TOX3: variants seen among roughly 807,000 people sequenced by gnomAD.
TOX3 encodes the protein TOX high mobility group box family member 3, also known as CAG trinucleotide repeat-containing gene F9 protein.
Under a neutral mutation model 64.3 loss-of-function variants are expected in TOX3, and 22 were observed. The observed-to-expected ratio is 0.34, with a 90% CI of 0.24 to 0.49. TOX3 has a LOEUF of 0.49. Ranked by LOEUF, TOX3 falls within the 20% of genes least tolerant of loss-of-function variation. The pLI, the probability that TOX3 is intolerant of heterozygous loss-of-function variation, is 0.99. For missense variants in TOX3, 661 were observed against 714.4 expected (o/e 0.93, Z 0.85); for synonymous variants, 291 against 273.6 (o/e 1.06, Z -0.63).
chr16:52,530,743 A>G (rs1962833814), intron 1 of TOX3, among the ~76,000 whole-genome samples: 1 of 151,422 alleles, frequency 6.6e-6, no homozygotes, highest in Non-Finnish European at 1.5e-5. Context: ...AATCTTCTAG[A>G]TCACTCCCAT....
intron 1 of TOX3, among the ~76,000 whole-genome samples, chr16:52,519,976 CAAAAA>C (rs61541718): frequency 8.9e-4 from 113 of 127,534 alleles, no homozygotes; most frequent in Middle Eastern, 4.0e-3. Flanking sequence ...GTCTCAAAAA[CAAAAA>C]AAAAAAAAAA....
intron 1 of TOX3, among the ~76,000 whole-genome samples, chr16:52,519,990 AAAG>A (rs1386751284): frequency 3.3e-5 from 5 of 149,972 alleles, no homozygotes; most frequent in South Asian, 4.2e-4. Flanking sequence ...AAAAAAAAAA[AAAG>A]AAGAAGAAGA....
chr16:52,525,703 A>G (rs570890698), intron 1 of TOX3, among the ~76,000 whole-genome samples: 4 of 152,290 alleles, frequency 2.6e-5, no homozygotes, highest in African/African-American at 7.2e-5. Context: ...GTACACACAC[A>G]CACACGCACA....
intron 1 of TOX3, among the ~76,000 whole-genome samples, chr16:52,488,649 C>T (rs576387079): frequency 6.6e-6 from 1 of 152,254 alleles, no homozygotes; most frequent in Non-Finnish European, 1.5e-5. Flanking sequence ...AGACTCAAAT[C>T]TTGGCATTAT....
intron 1 of TOX3, among the ~76,000 whole-genome samples, chr16:52,492,187 T>C (rs545259402): frequency 4.0e-4 from 60 of 148,572 alleles, no homozygotes; most frequent in Non-Finnish European, 8.0e-4. Context: ...TGCTGTGTTA[T>C]TGGTCATTTT....
intron 1 of TOX3, among the ~76,000 whole-genome samples, chr16:52,482,213 A>G (rs532681249): frequency 1.3e-5 from 2 of 152,298 alleles, no homozygotes; most frequent in Admixed American, 1.3e-4. Flanking sequence ...TTATTTTAGC[A>G]TTTTATATAA....
intron 3 of TOX3, among the ~76,000 whole-genome samples, chr16:52,451,791 G>A (rs182694241): frequency 2.0e-5 from 3 of 152,272 alleles, no homozygotes; most frequent in East Asian, 1.9e-4. Context: ...CTACCCATAC[G>A]TCAAAGTGTT....
intron 1 of TOX3, among the ~76,000 whole-genome samples, chr16:52,483,845 G>A (rs1336746242): frequency 6.6e-6 from 1 of 152,058 alleles, no homozygotes; most frequent in African/African-American, 2.4e-5. Flanking sequence ...TGGGATTACA[G>A]GCATGAGAGG....
chr16:52,519,674 T>C, intron 1 of TOX3: 9 of 1,216,464 alleles, frequency 7.4e-6, no homozygotes, highest in Non-Finnish European at 9.7e-6. Context: ...AGTAGTAGAA[T>C]GGGCTGGGCG....
In TOX3 at chr16:52,439,233, T is replaced by C. The variant is rs749232719; in HGVS notation, c.1723A>G (p.Ile575Val). 5 of 1,613,752 alleles carry C rather than the reference T, an allele frequency of 3.1e-6. No homozygotes were observed. Among genetic ancestry groups the C allele is most frequent in the Non-Finnish European group, 4.2e-6 (5 of 1,179,872 alleles). Residue 575 changes from isoleucine (I) to valine (V), a missense_variant, in exon 7 of 7, where the codon ATT becomes GTT. Ile to Val is a conservative substitution (Grantham distance 29, BLOSUM62 3). Coordinates refer to ENST00000219746, the MANE Select transcript of TOX3 (RefSeq NM_001080430.4). ...GTCTGCCATATGCGTCTTCAGAAAATACTGACCTGCGATAATACTTGAGTC... is the reference window on the plus strand; with the variant it reads ...GTCTGCCATATGCGTCTTCAGAAAACACTGACCTGCGATAATACTTGAGTC... Reference protein sequence around the residue: ...TQTQVLSQVSIF With the variant: ...TQTQVLSQVSVF
chr16:52,472,359 T>C (rs1961073611), intron 1 of TOX3, among the ~76,000 whole-genome samples: 1 of 152,216 alleles, frequency 6.6e-6, no homozygotes. Context: ...TCCCCTGCAA[T>C]ACCCTGTGAA....
At chr16:52,452,116 G>A (rs1342036042) in intron 3 of TOX3, among the ~76,000 whole-genome samples, 1 of 151,950 alleles carries the variant, frequency 6.6e-6, no homozygotes, top group Non-Finnish European at 1.5e-5. Context: ...TAAAAGGCAA[G>A]TTAAAAAATA....
At chr16:52,474,453 C>T (rs1961146833) in intron 1 of TOX3, among the ~76,000 whole-genome samples, 1 of 151,758 alleles carries the variant, frequency 6.6e-6, no homozygotes, top group African/African-American at 2.4e-5. Context: ...GAGACCCCAT[C>T]TCTACTAAAA....
At chr16:52,509,977 C>G (rs1005487023) in intron 1 of TOX3, among the ~76,000 whole-genome samples, 1 of 152,080 alleles carries the variant, frequency 6.6e-6, no homozygotes, top group East Asian at 1.9e-4. Context: ...AGTCCTGCCC[C>G]TACCAGAAAC....
rs942887483 is a variant in TOX3, at chr16:52,546,768, G to A, written c.-45C>T. On this transcript the variant is annotated 5_prime_UTR_variant, in exon 1 of 7. Coordinates refer to ENST00000219746, the MANE Select transcript of TOX3 (RefSeq NM_001080430.4). ...CCGGGGGCCGGGACTGGGGTTCGCC[G>A]GGGCCGGGACCCGCCTCCTCGCCGC... The A allele has an allele frequency of 3.4e-6, 5 of 1,461,512 alleles. No homozygotes were observed. In the African/African-American group the frequency reaches 4.4e-5, roughly 13 times the overall value. The allele number at this position is 1,461,512 out of a possible 1,614,324, so 90.5% of individuals were successfully genotyped here. A position where few individuals can be genotyped will look rare whatever the true frequency, so the allele number is the denominator to read the frequency against.
intron 1 of TOX3, among the ~76,000 whole-genome samples, chr16:52,484,498 T>C (rs1961454859): frequency 6.6e-6 from 1 of 152,172 alleles, no homozygotes; most frequent in Non-Finnish European, 1.5e-5. Context: ...TCCATCGGCA[T>C]GAAGCATGTA....
intron 3 of TOX3, among the ~76,000 whole-genome samples, chr16:52,458,797 G>A (rs1596788288): frequency 6.6e-6 from 1 of 152,086 alleles, no homozygotes; most frequent in Admixed American, 6.6e-5. Context: ...GTGGTACAAG[G>A]CTCTACAAAG....
At chr16:52,445,710 A>G in intron 5 of TOX3, 1 of 321,336 alleles carries the variant, frequency 3.1e-6, no homozygotes, top group Non-Finnish European at 5.7e-6. Context: ...ATTTAAAATG[A>G]AAAGATTATC....
chr16:52,542,192 G>A (rs1370009601), intron 1 of TOX3, among the ~76,000 whole-genome samples: 1 of 152,126 alleles, frequency 6.6e-6, no homozygotes, highest in South Asian at 2.1e-4. Context: ...CCATTCTGTG[G>A]TAAGTCTGGT....
Sources: allele counts gnomAD v4.1 joint callset (sites outside exome capture counted in the v4.1 genomes callset), GRCh38; gene constraint gnomAD v4.1.1; transcripts MANE v1.5; gene names NCBI Gene and HGNC (gene_info 2026-07-23, HGNC 2026-07-21).